Variants in ACMSD observed in about 807,000 individuals in gnomAD.
ACMSD encodes the protein 2-amino-3-carboxymuconate-6-semialdehyde decarboxylase.
In ACMSD, 37 loss-of-function variants were observed where a neutral mutation model predicts 45.9. The ratio of observed to expected loss-of-function variants is 0.81; its 90% CI spans 0.62 to 1.06. The LOEUF (loss-of-function observed/expected upper bound fraction) is 1.06, where lower values mean the gene tolerates loss of function less well. Among genes scored for constraint, ACMSD ranks in the 50% least tolerant of loss-of-function variants. The probability of loss-of-function intolerance (pLI) is 0.00; values close to 1 mark genes in which losing one functional copy is unlikely to be tolerated. For synonymous variants in ACMSD, 138 were observed against 148.8 expected (o/e 0.93, Z 0.53); for missense variants, 434 against 420.9 (o/e 1.03, Z -0.27).
intron 8 of ACMSD, among the ~76,000 whole-genome samples, chr2:134,883,473 T>C (rs988348120): frequency 6.6e-6 from 1 of 152,208 alleles, no homozygotes; most frequent in Non-Finnish European, 1.5e-5. Flanking sequence ...TTTGCAGTTA[T>C]GAAATAACAG....
intron 2 of ACMSD, among the ~76,000 whole-genome samples, chr2:134,845,567 C>G (rs1687018878): frequency 7.1e-6 from 1 of 140,524 alleles, no homozygotes; most frequent in African/African-American, 2.6e-5. Context: ...CCTCTCCCCA[C>G]CCCCACCAAC....
intron 8 of ACMSD, 114 bp from the exon 9 acceptor site, chr2:134,898,227 G>A (rs1690284856): frequency 1.7e-6 from 1 of 577,180 alleles, no homozygotes; most frequent in Non-Finnish European, 2.8e-6. Flanking sequence ...CTATTAATCA[G>A]GAAAAAATGT....
intron 6 of ACMSD, among the ~76,000 whole-genome samples, chr2:134,869,701 A>G (rs1379558046): frequency 6.7e-6 from 1 of 148,368 alleles, no homozygotes; most frequent in Non-Finnish European, 1.5e-5. Flanking sequence ...AGAGATTATA[A>G]ACAAGTATAT....
intron 8 of ACMSD, chr2:134,873,215 T>C (rs1385777709): frequency 1.3e-5 from 2 of 154,346 alleles, no homozygotes; most frequent in African/African-American, 4.8e-5. Flanking sequence ...TGGCTTTTGA[T>C]TCTCTCATTT....
chr2:134,871,712 C>CACACACACAA, intron 7 of ACMSD, among the ~76,000 whole-genome samples: 1 of 151,098 alleles, frequency 6.6e-6, no homozygotes, highest in South Asian at 2.1e-4. Context: ...CACACACACA[C>CACACACACAA]AATCAAACTA....
Position 134,863,440 on chromosome 2 carries a change from G to T in ACMSD, c.295G>T (p.Asp99Tyr). The T allele has an allele frequency of 6.2e-7, 1 of 1,614,208 alleles. No individual in the cohort carries two copies. Among genetic ancestry groups the T allele is most frequent in the South Asian group, 1.1e-5 (1 of 91,064 alleles). The change falls in exon 5 of 10, where the codon GAC becomes TAC. Residue 99 changes from aspartate to tyrosine, a missense_variant. Physicochemically the swap from Asp to Tyr is radical, Grantham distance 160. Coordinates refer to ENST00000356140, the MANE Select transcript of ACMSD (RefSeq NM_138326.3). ...TLNLCQLLNN[D>Y]LASTVVSYPR... ...AAACCTGTGCCAGCTTTTAAACAAC[G>T]ACCTTGCCAGCACCGTTGTGAGCTA...
intron 8 of ACMSD, among the ~76,000 whole-genome samples, chr2:134,896,228 T>A (rs1690139759): frequency 6.6e-6 from 1 of 152,224 alleles, no homozygotes; most frequent in Non-Finnish European, 1.5e-5. Flanking sequence ...TAAATCTTTG[T>A]GACTTTGGGT....
chr2:134,888,814 A>C (rs1426002693), intron 8 of ACMSD, among the ~76,000 whole-genome samples: 2 of 152,142 alleles, frequency 1.3e-5, no homozygotes, highest in Non-Finnish European at 2.9e-5. Context: ...GTGAAAAAAA[A>C]AGACAAGTTA....
intron 8 of ACMSD, among the ~76,000 whole-genome samples, chr2:134,888,802 C>T (rs1248443193): frequency 2.6e-5 from 4 of 151,312 alleles, no homozygotes; most frequent in South Asian, 2.1e-4. Flanking sequence ...AACTAGTCTA[C>T]GGTGAAAAAA....
intron 8 of ACMSD, among the ~76,000 whole-genome samples, chr2:134,885,306 AATAT>A (rs1162504899): frequency 5.3e-5 from 4 of 75,378 alleles, no homozygotes; most frequent in African/African-American, 1.9e-4. Context: ...TATATATTTA[AATAT>A]ATATATATAA....
rs1033605197 is a variant in ACMSD, at chr2:134,870,877, G to A, written c.581-88G>A. 7.1e-6 allele frequency: 8 copies of A among 1,133,414 alleles called. No individual in the cohort carries two copies. In the African/African-American group the frequency reaches 1.2e-4, roughly 17 times the overall value. The allele number at this position is 1,133,414 out of a possible 1,614,324, so 70.2% of individuals were successfully genotyped here. A position where few individuals can be genotyped will look rare whatever the true frequency, so the allele number is the denominator to read the frequency against. On this transcript the variant is annotated intron_variant, in intron 6 of 9. Coordinates refer to ENST00000356140, the MANE Select transcript of ACMSD (RefSeq NM_138326.3). ...GGGTACAAGGGCCTCAAGTTTCTTT[G>A]CACTGACAATTCCCCAGCCACTAAC...
intron 8 of ACMSD, among the ~76,000 whole-genome samples, chr2:134,888,800 T>C (rs996176481): frequency 7.2e-5 from 11 of 151,974 alleles, no homozygotes; most frequent in Admixed American, 7.2e-4. Context: ...AAAACTAGTC[T>C]ACGGTGAAAA....
intron 2 of ACMSD, among the ~76,000 whole-genome samples, chr2:134,846,580 T>C (rs1477917194): frequency 6.6e-6 from 1 of 152,108 alleles, no homozygotes; most frequent in Non-Finnish European, 1.5e-5. Flanking sequence ...ATTATTTTAT[T>C]TTATTTTTTA....
At position 134,896,700 on chromosome 2, in the gene ACMSD, G is replaced by T. The variant is rs370426529; in HGVS notation, c.850-1641G>T. Among the ~76,000 whole-genome samples, 20 of 152,294 alleles carry T rather than the reference G, an allele frequency of 1.3e-4. No individual in the cohort carries two copies. The East Asian group carries it at 3.9e-3, about 29-fold the overall frequency. ...AACTGGAACCCTCATACATGCTGGT[G>T]GGAATGTAGAAAGCTGCAGCCATGG... On this transcript the variant is annotated intron_variant, in intron 8 of 9. Transcript: ENST00000356140.
chr2:134,847,727 G>C (rs1305346646), intron 2 of ACMSD, among the ~76,000 whole-genome samples: 2 of 152,144 alleles, frequency 1.3e-5, no homozygotes, highest in East Asian at 3.9e-4. Context: ...TTCTGTTCCT[G>C]TGTTAGTTGC....
intron 3 of ACMSD, 98 bp downstream of exon 3, chr2:134,859,455 C>T: frequency 8.7e-7 from 1 of 1,154,940 alleles, no homozygotes; most frequent in South Asian, 1.4e-5. Flanking sequence ...ACTTCTGACC[C>T]CCTTTTCTCT....
intron 8 of ACMSD, among the ~76,000 whole-genome samples, chr2:134,893,615 C>T (rs1178706036): frequency 6.6e-6 from 1 of 152,136 alleles, no homozygotes; most frequent in South Asian, 2.1e-4. Context: ...GTTGATGATT[C>T]CTATGATTCT....
At chr2:134,893,264 T>A (rs1475999098) in intron 8 of ACMSD, among the ~76,000 whole-genome samples, 1 of 149,736 alleles carries the variant, frequency 6.7e-6, no homozygotes, top group Non-Finnish European at 1.5e-5. Context: ...GGCTGGATAA[T>A]CATAGCTCAC....
At chr2:134,876,662 A>C (rs1295298725) in intron 8 of ACMSD, among the ~76,000 whole-genome samples, 1 of 152,180 alleles carries the variant, frequency 6.6e-6, no homozygotes, top group African/African-American at 2.4e-5. Context: ...AATTTTTTTT[A>C]ATAAGTAGAA....
Sources: allele counts gnomAD v4.1 joint callset (sites outside exome capture counted in the v4.1 genomes callset), GRCh38; gene constraint gnomAD v4.1.1; transcripts MANE v1.5; gene names NCBI Gene and HGNC (gene_info 2026-07-23, HGNC 2026-07-21).